The following FAM151A variants were observed in gnomAD, a reference collection of about 807,000 sequenced individuals.
FAM151A encodes the protein family with sequence similarity 151 member A.
A neutral mutation model predicts 40.4 loss-of-function variants in FAM151A; 41 were observed. The ratio of observed to expected loss-of-function variants is 1.01; its 90% CI spans 0.79 to 1.32. The LOEUF (loss-of-function observed/expected upper bound fraction) is 1.32, where lower values mean the gene tolerates loss of function less well. Among genes scored for constraint, FAM151A ranks in the 40% most tolerant of loss-of-function variants. FAM151A has a pLI of 0.00. For missense variants in FAM151A, 740 were observed against 740.4 expected, an observed-to-expected ratio of 1.00 and a Z score of 0.01; for synonymous variants, 337 against 312.5, an observed-to-expected ratio of 1.08 and a Z score of -0.83.
intron 7 of FAM151A, 111 bp downstream of exon 7, chr1:54,610,301 G>A (rs1460495566): frequency 3.9e-6 from 6 of 1,534,222 alleles, no homozygotes; most frequent in Non-Finnish European, 5.2e-6. Flanking sequence ...CCAGGGTATG[G>A]TGTAAATAAA....
intron 2 of FAM151A, among the ~76,000 whole-genome samples, chr1:54,618,616 G>A (rs1244219162): frequency 1.3e-5 from 2 of 152,188 alleles, no homozygotes; most frequent in Non-Finnish European, 2.9e-5. Context: ...GGAGGAGAAA[G>A]AGATGAGAGG....
At chr1:54,614,592 T>A in intron 4 of FAM151A, 108 bp downstream of exon 4, 3 of 1,139,866 alleles carry the variant, frequency 2.6e-6, no homozygotes, top group Non-Finnish European at 3.7e-6. Context: ...TGAGGCTATA[T>A]ATAGTATGAT....
In FAM151A at chr1:54,623,125, G is replaced by A. The variant is rs565916346; in HGVS notation, c.118+153C>T. Among the ~76,000 whole-genome samples the A allele has an allele frequency of 3.8e-3, 569 of 151,476 alleles. 4 individuals carry two copies. The highest frequency in any genetic ancestry group is 0.013 in the African/African-American group (541 of 41,260). ...TGGGAGGCGGAGGTTGCAGTGAGCC[G>A]AGAATCGTGCCATTGTACTCCAGCC... On this transcript the variant is annotated intron_variant, in intron 1 of 7. Coordinates refer to ENST00000302250, the MANE Select transcript of FAM151A (RefSeq NM_176782.3).
At chr1:54,610,347 T>C (rs1644103862) in intron 7 of FAM151A, 65 bp downstream of exon 7, 7 of 1,579,150 alleles carry the variant, frequency 4.4e-6, no homozygotes, top group Non-Finnish European at 5.2e-6. Flanking sequence ...CGGCGGTACC[T>C]GCCCCAAGCA....
chr1:54,612,776 TC>T (rs1644133419), intron 4 of FAM151A, 66 bp from the exon 5 acceptor site: 5 of 1,224,396 alleles, frequency 4.1e-6, no homozygotes, highest in Non-Finnish European at 6.0e-6. Context: ...CTCTGGGGTC[TC>T]ATCACAGTGC....
At chr1:54,615,877 A>T (rs1644167539) in intron 3 of FAM151A, 143 bp downstream of exon 3, 1 of 811,316 alleles carries the variant, frequency 1.2e-6, no homozygotes, top group Non-Finnish European at 2.0e-6. Context: ...GAGCCTGGGC[A>T]TCTATAACAT....
At chr1:54,611,149 TG>T (rs1644113274) in intron 6 of FAM151A, 1 of 589,114 alleles carries the variant, frequency 1.7e-6, no homozygotes, top group Non-Finnish European at 2.1e-6. Flanking sequence ...AAAATGAATG[TG>T]TGGGTCAGGC....
chr1:54,620,389 A>AC (rs763966690), intron 1 of FAM151A, among the ~76,000 whole-genome samples: 128 of 152,362 alleles, frequency 8.4e-4, no homozygotes, highest in Admixed American at 1.1e-3. Context: ...TAGAGATGGA[A>AC]CATAAAAGTG....
chr1:54,612,557 G>GGTGA lies in FAM151A; in HGVS notation c.725_728dup (p.Phe244HisfsTer24). On this transcript the variant is annotated frameshift_variant, in exon 5 of 8. Transcript: ENST00000302250. LOFTEE classifies it high-confidence loss of function. The stretch of plus-strand genomic sequence containing the variant: ...GCACCATGGAAGACCGTACAGGGAA[G>GGTGA]GTGACCCTCTGGGGCACTCCTCCCA... 1 of 1,614,070 alleles carries GGTGA rather than the reference G, an allele frequency of 6.2e-7. No individual in the cohort carries two copies.
At chr1:54,621,705 GGAGGGCA>G (rs1379110167) in intron 1 of FAM151A, 9 of 152,878 alleles carry the variant, frequency 5.9e-5, no homozygotes, top group Middle Eastern at 3.1e-3. Flanking sequence ...CTGGAGGGCT[GGAGGGCA>G]GAGGGCAGAA....
intron 4 of FAM151A, 41 bp from the exon 5 acceptor site, chr1:54,612,751 C>T (rs74891767): frequency 0.01 from 15,339 of 1,489,246 alleles, 108 homozygotes; most frequent in Middle Eastern, 0.042. Flanking sequence ...GGAGCTGCAG[C>T]GGCCCCTTCC....
At chr1:54,622,275 CAAAAAAA>C (rs34730286) in intron 1 of FAM151A, among the ~76,000 whole-genome samples, 2 of 45,932 alleles carry the variant, frequency 4.4e-5, no homozygotes, top group Admixed American at 2.7e-4. Flanking sequence ...GACTCTGTCT[CAAAAAAA>C]AAAAAAAAAA....
intron 3 of FAM151A, 150 bp from the exon 4 acceptor site, chr1:54,615,009 T>A (rs1232064732): frequency 5.3e-6 from 4 of 751,968 alleles, no homozygotes; most frequent in Non-Finnish European, 8.5e-6. Context: ...ACCACATCCC[T>A]GCAGGGTGTG....
intron 5 of FAM151A, 22 bp from the exon 6 acceptor site, chr1:54,611,767 C>T (rs772903109): frequency 6.2e-7 from 1 of 1,613,464 alleles, no homozygotes; most frequent in Admixed American, 1.7e-5. Context: ...AGAGCTGGCT[C>T]AGTGCCTGTC....
chr1:54,619,259 T>C (rs1315526143), intron 2 of FAM151A, among the ~76,000 whole-genome samples: 3 of 152,178 alleles, frequency 2.0e-5, no homozygotes, highest in Non-Finnish European at 2.9e-5. Flanking sequence ...CATTATCTAC[T>C]GAGCTTCCCA....
chr1:54,620,088 C>T, intron 1 of FAM151A, 81 bp from the exon 2 acceptor site: 8 of 1,470,468 alleles, frequency 5.4e-6, no homozygotes, highest in Non-Finnish European at 7.4e-6. Context: ...ATGACCCTCC[C>T]TGGGCTCCCA....
chr1:54,619,249 C>T (rs149339472), intron 2 of FAM151A, among the ~76,000 whole-genome samples: 166 of 152,320 alleles, frequency 1.1e-3, no homozygotes, highest in African/African-American at 3.9e-3. Context: ...TGTTCGTGAA[C>T]ATTATCTACT....
chr1:54,613,610 C>A (rs1241798643), intron 4 of FAM151A, among the ~76,000 whole-genome samples: 11 of 152,054 alleles, frequency 7.2e-5, no homozygotes, highest in Non-Finnish European at 1.6e-4. Context: ...TGAACTTTGC[C>A]TTGATGAAAA....
intron 4 of FAM151A, 80 bp downstream of exon 4, chr1:54,614,620 G>T: frequency 1.4e-6 from 2 of 1,423,704 alleles, no homozygotes; most frequent in Non-Finnish European, 1.9e-6. Flanking sequence ...AAACTCAGAG[G>T]TCCCCTAAGA....
Sources: allele counts gnomAD v4.1 joint callset (sites outside exome capture counted in the v4.1 genomes callset), GRCh38; gene constraint gnomAD v4.1.1; transcripts MANE v1.5; gene names NCBI Gene and HGNC (gene_info 2026-07-23, HGNC 2026-07-21).